Variants in CAST observed in about 807,000 individuals in gnomAD.
CAST encodes MIR583 host.
A neutral mutation model predicts 119.6 loss-of-function variants in CAST; 76 were observed. The observed-to-expected ratio is 0.64, with a 90% CI of 0.53 to 0.77. The LOEUF is 0.77. Ranked by LOEUF, CAST falls within the 30% of genes least tolerant of loss-of-function variation. The pLI is 0.00. For missense variants in CAST, 953 were observed against 946.5 expected (o/e 1.01, Z -0.09); for synonymous variants, 319 against 331.6 (o/e 0.96, Z 0.41).
intron 3 of CAST, among the ~76,000 whole-genome samples, chr5:96,720,544 T>C (rs1421159594): frequency 6.6e-6 from 1 of 152,226 alleles, no homozygotes. Context: ...TTTAAAATGG[T>C]TAGTGCCTTA....
At chr5:96,451,858 A>T in the CAST span, among the ~76,000 whole-genome samples, 36 of 152,390 alleles carry the variant, frequency 2.4e-4, no homozygotes, top group African/African-American at 8.2e-4. Flanking sequence ...TTCTCAAAAG[A>T]AGACATTTAT....
chr5:95,984,671 A>G, the CAST span, among the ~76,000 whole-genome samples: 24 of 152,326 alleles, frequency 1.6e-4, no homozygotes, highest in South Asian at 4.3e-3. Context: ...GAGATACAGA[A>G]GTGAGCTTCT....
At chr5:95,998,162 T>C in the CAST span, among the ~76,000 whole-genome samples, 26 of 152,112 alleles carry the variant, frequency 1.7e-4, no homozygotes, top group African/African-American at 6.3e-4. Context: ...TTACATCTCA[T>C]AAAATTCACC....
chr5:96,418,680 G>A, the CAST span, among the ~76,000 whole-genome samples: 1 of 152,178 alleles, frequency 6.6e-6, no homozygotes, highest in Non-Finnish European at 1.5e-5. Flanking sequence ...ACAAAATGGA[G>A]CCATTCATTT....
the CAST span, among the ~76,000 whole-genome samples, chr5:96,425,008 A>AAAAAGAAAG: frequency 5.1e-5 from 6 of 117,478 alleles, no homozygotes; most frequent in Admixed American, 1.9e-4. Context: ...AGAAAGAAAG[A>AAAAAGAAAG]AAAGAAAGAA....
At chr5:96,585,837 T>C (rs993767828) in intron 1 of CAST, among the ~76,000 whole-genome samples, 2 of 152,236 alleles carry the variant, frequency 1.3e-5, no homozygotes, top group Non-Finnish European at 2.9e-5. Flanking sequence ...TATAGAGACG[T>C]GCAGGACAAA....
the CAST span, among the ~76,000 whole-genome samples, chr5:96,058,542 GC>G: frequency 7.4e-6 from 1 of 134,740 alleles, no homozygotes; most frequent in Non-Finnish European, 1.8e-5. Flanking sequence ...TACCAGAAGG[GC>G]TCTAAGAAAG....
At chr5:96,028,660 G>T in the CAST span, among the ~76,000 whole-genome samples, 1 of 151,924 alleles carries the variant, frequency 6.6e-6, no homozygotes, top group Non-Finnish European at 1.5e-5. Flanking sequence ...TCCTAAAATT[G>T]TTAAAAAACA....
At chr5:96,415,736 T>C in the CAST span, among the ~76,000 whole-genome samples, 1 of 152,166 alleles carries the variant, frequency 6.6e-6, no homozygotes, top group Non-Finnish European at 1.5e-5. Context: ...AAGCACTCAA[T>C]AACAAACCAT....
intron 31 of CAST, chr5:96,772,297 C>G (rs1473422492): frequency 1.3e-5 from 2 of 153,586 alleles, no homozygotes; most frequent in East Asian, 3.8e-4. Flanking sequence ...GGGCCCTTAT[C>G]TTAATCTTCA....
intron 3 of CAST, among the ~76,000 whole-genome samples, chr5:96,696,483 T>C (rs1029289528): frequency 1.3e-5 from 2 of 152,080 alleles, no homozygotes; most frequent in Non-Finnish European, 2.9e-5. Flanking sequence ...AAGCAATTTT[T>C]GGTAATATAA....
chr5:96,160,472 A>G, the CAST span, among the ~76,000 whole-genome samples: 1 of 152,186 alleles, frequency 6.6e-6, no homozygotes, highest in Non-Finnish European at 1.5e-5. Context: ...ATAATATTCC[A>G]TTGTATGAAT....
At chr5:96,320,906 C>A in the CAST span, among the ~76,000 whole-genome samples, 1 of 152,098 alleles carries the variant, frequency 6.6e-6, no homozygotes, top group Non-Finnish European at 1.5e-5. Flanking sequence ...ATCTGATAGT[C>A]CCCCTTCCCC....
chr5:96,412,515 A>T, the CAST span: 1 of 1,606,156 alleles, frequency 6.2e-7, no homozygotes, highest in Non-Finnish European at 8.5e-7. Flanking sequence ...AAACAAAGAC[A>T]CACAAAGGTT....
At chr5:96,242,299 A>T in the CAST span, among the ~76,000 whole-genome samples, 2 of 152,110 alleles carry the variant, frequency 1.3e-5, no homozygotes, top group African/African-American at 4.8e-5. Context: ...ATTTAAATTA[A>T]TTATTTATTT....
chr5:96,548,562 T>A (rs1028374742), intron 1 of CAST, among the ~76,000 whole-genome samples: 6 of 152,126 alleles, frequency 3.9e-5, no homozygotes, highest in Non-Finnish European at 7.4e-5. Context: ...TGTTAAGTGC[T>A]GCTGCGGGCC....
the CAST span, among the ~76,000 whole-genome samples, chr5:96,517,591 C>T: frequency 2.0e-4 from 30 of 152,092 alleles, no homozygotes; most frequent in Non-Finnish European, 3.7e-4. Flanking sequence ...TAGCTGGAGA[C>T]GAGTTGTGTC....
At chr5:96,005,400 T>C in the CAST span, among the ~76,000 whole-genome samples, 2 of 152,198 alleles carry the variant, frequency 1.3e-5, no homozygotes, top group African/African-American at 2.4e-5. Flanking sequence ...TAGAAAGTGC[T>C]GTTGACTGGT....
In CAST at chr5:96,747,377, T is replaced by C; in HGVS notation, c.1317T>C (p.Pro439=). 2 of 1,591,668 alleles carry C rather than the reference T, an allele frequency of 1.3e-6. No homozygotes were observed. The highest frequency in any genetic ancestry group is 1.7e-6 in the Non-Finnish European group (2 of 1,160,412). Reference sequence around the variant, plus strand: ...ATGGAAAACCACTATTGCCAGAGCCTGAAGAAAAACCCAAGGTTAGGAAAT... The same window carrying C: ...ATGGAAAACCACTATTGCCAGAGCCCGAAGAAAAACCCAAGGTTAGGAAAT... The part of the protein sequence containing the change: ...DKDGKPLLPE[P]EEKPKPRSES... Residue 439 remains proline (P), a synonymous_variant, in exon 18 of 32, where the codon CCT becomes CCC. Transcript: ENST00000675179.
Sources: gnomAD v4.1 joint callset for allele counts (sites outside exome capture counted in the v4.1 genomes callset) on GRCh38, gnomAD v4.1.1 for gene constraint, MANE v1.5 for transcripts, NCBI Gene and HGNC (gene_info 2026-07-23, HGNC 2026-07-21) for gene names.